The following PALM variants were observed in gnomAD, a reference collection of about 807,000 sequenced individuals.
PALM encodes the protein paralemmin-1.
PALM carries 18 observed loss-of-function variants against 30.7 expected under a neutral mutation model. That is an observed-to-expected ratio of 0.59 (90% CI 0.41 to 0.87). PALM has a LOEUF of 0.87. PALM is among the 40% of genes least tolerant of loss of function. The pLI is 0.00. For missense variants in PALM, 529 were observed against 555.4 expected (o/e 0.95, Z 0.48); for synonymous variants, 286 against 242.8 (o/e 1.18, Z -1.66).
In PALM at chr19:735,016, C is replaced by A. The variant is rs2032980473; in HGVS notation, c.442+822C>A. 3.1e-6 allele frequency: 3 copies of A among 966,710 alleles called. No individual in the cohort carries two copies. In the South Asian group the frequency reaches 1.4e-4, roughly 45 times the overall value. 59.9% of individuals were successfully genotyped at this position (966,710 alleles called of 1,614,324 possible). A position where few individuals can be genotyped will look rare whatever the true frequency, so the allele number is the denominator to read the frequency against. ...AATCATTAAAAAAATCCAGACAGGC[C>A]TCTCAGGGATTTTGTGAAAATCACT... On this transcript the variant is annotated intron_variant, in intron 6 of 8. Coordinates refer to ENST00000338448, the MANE Select transcript of PALM (RefSeq NM_002579.3).
chr19:725,342 T>G (rs1386135880), intron 1 of PALM, among the ~76,000 whole-genome samples: 2 of 150,598 alleles, frequency 1.3e-5, no homozygotes, highest in African/African-American at 2.4e-5. Flanking sequence ...GCGGATCACC[T>G]GAGGTCAGGA....
intron 5 of PALM, among the ~76,000 whole-genome samples, chr19:731,842 A>G (rs1046577422): frequency 1.0e-4 from 15 of 148,292 alleles, no homozygotes; most frequent in Non-Finnish European, 1.5e-5. Flanking sequence ...TTGTATTTTT[A>G]GTAGAGATGA....
chr19:722,112 G>A (rs1200968193), intron 1 of PALM, among the ~76,000 whole-genome samples: 4 of 150,320 alleles, frequency 2.7e-5, no homozygotes, highest in East Asian at 3.9e-4. Flanking sequence ...TAGAGACGGG[G>A]TTTCACCGTG....
intron 1 of PALM, 130 bp from the exon 2 acceptor site, chr19:726,008 A>C: frequency 1.4e-6 from 1 of 732,302 alleles, no homozygotes; most frequent in Non-Finnish European, 2.4e-6. Context: ...AGAAGGGGAA[A>C]CTGGGGTTCA....
In PALM at chr19:746,924, G is replaced by C; in HGVS notation, c.*110G>C. The C allele has an allele frequency of 1.5e-6, 1 of 681,194 alleles. No homozygotes were observed. Among genetic ancestry groups the C allele is most frequent in the Non-Finnish European group, 2.4e-6 (1 of 410,740 alleles). 42.2% of individuals were successfully genotyped at this position (681,194 alleles called of 1,614,324 possible). A position where few individuals can be genotyped will look rare whatever the true frequency, so the allele number is the denominator to read the frequency against. On this transcript the variant is annotated 3_prime_UTR_variant, in exon 9 of 9. Coordinates refer to ENST00000338448, the MANE Select transcript of PALM (RefSeq NM_002579.3). This position sits in a 1 kb window ranked among gnomAD's most constrained non-coding sequence, Gnocchi z 7.1. The stretch of plus-strand genomic sequence containing the variant: ...CACAGCCTCACGGGTCCAGGACTTG[G>C]CGTGTTGTTACATGTTCCTTCCGAG...
chr19:726,296 G>T, intron 2 of PALM, 107 bp downstream of exon 2: 1 of 860,384 alleles, frequency 1.2e-6, no homozygotes, highest in Non-Finnish European at 1.9e-6. Context: ...GGGCATGGTG[G>T]GTGGTGAGTT....
chr19:722,117 A>G lies in PALM; in HGVS notation c.6-4021A>G, dbSNP rs1335534837. On this transcript the variant is annotated intron_variant, in intron 1 of 8. Transcript: ENST00000338448. Reference sequence around the variant, plus strand: ...GTGTTTTTAGTAGAGACGGGGTTTCACCGTGTTAGCCAGGATGGTCTCGAT... The same window carrying G: ...GTGTTTTTAGTAGAGACGGGGTTTCGCCGTGTTAGCCAGGATGGTCTCGAT... Among the ~76,000 whole-genome samples the G allele has an allele frequency of 2.0e-5, 3 of 147,640 alleles. No individual in the cohort carries two copies. In the East Asian group the frequency reaches 6.1e-4, roughly 30 times the overall value.
At chr19:737,252 G>C (rs760968990) in intron 7 of PALM, among the ~76,000 whole-genome samples, 30 of 152,196 alleles carry the variant, frequency 2.0e-4, no homozygotes, top group Admixed American at 3.3e-4. Context: ...AGTGAGACCA[G>C]CCCTGGCAGA....
intron 1 of PALM, among the ~76,000 whole-genome samples, chr19:711,998 C>A (rs1034376128): frequency 3.4e-5 from 5 of 148,788 alleles, no homozygotes; most frequent in African/African-American, 1.2e-4. Flanking sequence ...TTTGAGTGCT[C>A]TGTATGTGTG....
At position 746,698 on chromosome 19, in the gene PALM, C is replaced by T. The variant is rs1467328382; in HGVS notation, c.1048C>T (p.Pro350Ser). The stretch of plus-strand genomic sequence containing the variant: ...ACCACCCAACGGCAGTGCTGCCGAG[C>T]CTCCCACGGAGGCCGCCTCCAGGGA... ...PAPPNGSAAE[P>S]PTEAASREEN... The change falls in exon 9 of 9, where the codon CCT becomes TCT. Residue 350 changes from proline (P) to serine (S), a missense_variant. Physicochemically the swap from Pro to Ser is moderately conservative, Grantham distance 74. Coordinates refer to ENST00000338448, the MANE Select transcript of PALM (RefSeq NM_002579.3). This position sits in a 1 kb window ranked among gnomAD's most constrained non-coding sequence, Gnocchi z 7.1. 1.2e-6 allele frequency: 2 copies of T among 1,609,656 alleles called. No homozygotes were observed. Among genetic ancestry groups the T allele is most frequent in the Non-Finnish European group, 1.7e-6 (2 of 1,178,618 alleles).
chr19:740,134 G>T lies in PALM; in HGVS notation c.503-218G>T, dbSNP rs1232333540. 2.0e-5 allele frequency among the ~76,000 whole-genome samples: 3 copies of T among 152,306 alleles called. No homozygotes were observed. The East Asian group carries it at 5.8e-4, about 29-fold the overall frequency. On this transcript the variant is annotated intron_variant, in intron 7 of 8. Transcript: ENST00000338448. Reference sequence around the variant, plus strand: ...GATGGGCCTCAAATGCCAAGGAGAGGTGTTCAGACTGGTCGTCTCCAGGCA... The same window carrying T: ...GATGGGCCTCAAATGCCAAGGAGAGTTGTTCAGACTGGTCGTCTCCAGGCA...
intron 6 of PALM, chr19:734,969 T>C: frequency 1.6e-6 from 1 of 612,326 alleles, no homozygotes; most frequent in South Asian, 7.0e-5. Flanking sequence ...TGTCTTCTTG[T>C]CTTACTGTAG....
At chr19:722,131 G>T (rs10404753) in intron 1 of PALM, among the ~76,000 whole-genome samples, 4 of 151,310 alleles carry the variant, frequency 2.6e-5, no homozygotes, top group East Asian at 3.9e-4. Context: ...TGTTAGCCAG[G>T]ATGGTCTCGA....
chr19:726,226 G>T (rs762899991), intron 2 of PALM, 37 bp downstream of exon 2: 15 of 1,584,666 alleles, frequency 9.5e-6, no homozygotes, highest in Non-Finnish European at 1.3e-5. Context: ...TGTGGTCAGG[G>T]TGGGGAAGTG....
chr19:725,649 C>T (rs528993136), intron 1 of PALM, among the ~76,000 whole-genome samples: 36 of 152,190 alleles, frequency 2.4e-4, no homozygotes, highest in Middle Eastern at 3.4e-3. Flanking sequence ...TTGGGAGGCT[C>T]GTCTCCCTGT....
intron 4 of PALM, among the ~76,000 whole-genome samples, chr19:729,116 C>T (rs1367203930): frequency 3.3e-5 from 5 of 151,834 alleles, no homozygotes; most frequent in African/African-American, 1.2e-4. Flanking sequence ...CACCTGAGGT[C>T]AGAGATTTGA....
At chr19:713,680 G>A (rs969486181) in intron 1 of PALM, among the ~76,000 whole-genome samples, 4 of 152,046 alleles carry the variant, frequency 2.6e-5, no homozygotes, top group African/African-American at 9.7e-5. Flanking sequence ...CTGGGTTCAC[G>A]CGATTCTCAT....
chr19:713,159 G>A (rs541821513), intron 1 of PALM, among the ~76,000 whole-genome samples: 31 of 141,938 alleles, frequency 2.2e-4, no homozygotes, highest in Middle Eastern at 3.6e-3. Context: ...TGTGTCTGGG[G>A]GTTGTGGTCT....
At position 709,113 on chromosome 19, in the gene PALM, G is replaced by C. The variant is rs995486395; in HGVS notation, c.-34G>C. The stretch of plus-strand genomic sequence containing the variant: ...GCGCCACCCGCGCCCGCCCCCGCCC[G>C]GCACCGCGGACCCACCCGGACCTCG... On this transcript the variant is annotated 5_prime_UTR_variant, in exon 1 of 9. Transcript: ENST00000338448. This position sits in a 1 kb window ranked among gnomAD's most constrained non-coding sequence, Gnocchi z 4.3. 2.6e-5 allele frequency: 7 copies of C among 272,930 alleles called. No homozygotes were observed. The highest frequency in any genetic ancestry group is 3.4e-5 in the Non-Finnish European group (5 of 146,458). 16.9% of individuals were successfully genotyped at this position (272,930 alleles called of 1,614,324 possible). A position where few individuals can be genotyped will look rare whatever the true frequency, so the allele number is the denominator to read the frequency against.
Sources: gnomAD v4.1 joint callset for allele counts (sites outside exome capture counted in the v4.1 genomes callset) on GRCh38, gnomAD v4.1.1 for gene constraint, Gnocchi (gnomAD v3.1) non-coding constraint, MANE v1.5 for transcripts, NCBI Gene and HGNC (gene_info 2026-07-23, HGNC 2026-07-21) for gene names.